ZRANB3: variants seen among roughly 807,000 people sequenced by gnomAD.
The protein encoded by ZRANB3 is DNA annealing helicase and endonuclease ZRANB3.
A neutral mutation model predicts 133.8 loss-of-function variants in ZRANB3; 125 were observed. That is an observed-to-expected ratio of 0.93 (90% CI 0.81 to 1.08). ZRANB3 has a LOEUF of 1.08. Ranked by LOEUF, ZRANB3 falls within the 50% of genes least tolerant of loss-of-function variation. The probability of loss-of-function intolerance (pLI) is 0.00; values close to 1 mark genes in which losing one functional copy is unlikely to be tolerated. For missense variants in ZRANB3, 1,229 were observed against 1,275.5 expected, an observed-to-expected ratio of 0.96 and a Z score of 0.56; for synonymous variants, 387 against 432.7, an observed-to-expected ratio of 0.89 and a Z score of 1.31.
intron 2 of ZRANB3, among the ~76,000 whole-genome samples, chr2:135,482,521 G>T (rs1691873591): frequency 6.6e-6 from 1 of 150,754 alleles, no homozygotes. Context: ...TTTGGGCTGA[G>T]ACAATGGGGT....
At chr2:135,381,561 T>C (rs1258775950) in intron 3 of ZRANB3, among the ~76,000 whole-genome samples, 2 of 152,204 alleles carry the variant, frequency 1.3e-5, no homozygotes, top group Non-Finnish European at 2.9e-5. Flanking sequence ...CGTGGGTCCC[T>C]GACCCCTGAG....
chr2:135,527,691 T>A (rs1271539610), intron 1 of ZRANB3, among the ~76,000 whole-genome samples: 3 of 152,202 alleles, frequency 2.0e-5, no homozygotes, highest in African/African-American at 7.2e-5. Context: ...TACAATAAAG[T>A]AGCTATCACA....
At chr2:135,315,640 A>C in intron 6 of ZRANB3, 110 bp from the exon 7 acceptor site, 1 of 801,586 alleles carries the variant, frequency 1.2e-6, no homozygotes, top group Non-Finnish European at 1.8e-6. Context: ...CACTGTTTTC[A>C]TTGATATTTC....
chr2:135,353,366 T>G (rs1417044998), intron 4 of ZRANB3, 84 bp downstream of exon 4: 2 of 870,630 alleles, frequency 2.3e-6, no homozygotes, highest in East Asian at 2.9e-5. Context: ...TATCTATTGG[T>G]GATATTGCAT....
At chr2:135,218,969 A>G in intron 16 of ZRANB3, 108 bp downstream of exon 16, 2 of 739,748 alleles carry the variant, frequency 2.7e-6, no homozygotes, top group Non-Finnish European at 4.1e-6. Flanking sequence ...TGACTCTACA[A>G]CATGCCACAA....
intron 2 of ZRANB3, among the ~76,000 whole-genome samples, chr2:135,458,471 G>A (rs1484515512): frequency 6.6e-6 from 1 of 151,766 alleles, no homozygotes; most frequent in Non-Finnish European, 1.5e-5. Flanking sequence ...TAGACATGCT[G>A]CATATATGTC....
At chr2:135,364,010 C>T (rs1685814194) in intron 3 of ZRANB3, among the ~76,000 whole-genome samples, 1 of 151,732 alleles carries the variant, frequency 6.6e-6, no homozygotes, top group Non-Finnish European at 1.5e-5. Flanking sequence ...CAGGACACTG[C>T]ACTTCAGCCT....
chr2:135,354,258 G>T (rs1403616310), intron 3 of ZRANB3, among the ~76,000 whole-genome samples: 2 of 152,098 alleles, frequency 1.3e-5, no homozygotes, highest in African/African-American at 4.8e-5. Flanking sequence ...TGTCTTAACA[G>T]CACAAAACCA....
intron 18 of ZRANB3, among the ~76,000 whole-genome samples, chr2:135,208,173 C>G (rs1210556608): frequency 3.3e-5 from 5 of 152,144 alleles, no homozygotes; most frequent in African/African-American, 1.2e-4. Flanking sequence ...AATGTAAAAC[C>G]CCAACCAAAG....
Position 135,349,973 on chromosome 2 carries a change from G to T in ZRANB3, c.591+11C>A. The T allele has an allele frequency of 6.2e-7, 1 of 1,611,196 alleles. No individual in the cohort carries two copies. ...TCTTCTTTTAAGTTCGAAGTATAAG[G>T]ATTGTAATACCTCTTCAGGCCTTCC... On this transcript the variant is annotated intron_variant, in intron 5 of 20. Transcript: ENST00000264159.
At position 135,255,541 on chromosome 2, in the gene ZRANB3, A is replaced by G. The variant is rs556081466; in HGVS notation, c.1539+9993T>C. On this transcript the variant is annotated intron_variant, in intron 12 of 20. Coordinates refer to ENST00000264159, the MANE Select transcript of ZRANB3 (RefSeq NM_032143.4). ...TCATAAACAGGATGCTGCCCAATTC[A>G]TGACTTGCTAATAAAAACAAATCAG... Among the ~76,000 whole-genome samples the G allele has an allele frequency of 2.6e-5, 4 of 152,244 alleles. No homozygotes were observed. The South Asian group carries it at 6.2e-4, about 24-fold the overall frequency.
At chr2:135,301,520 T>A (rs755051812) in intron 8 of ZRANB3, among the ~76,000 whole-genome samples, 2 of 152,182 alleles carry the variant, frequency 1.3e-5, no homozygotes, top group Admixed American at 6.5e-5. Context: ...GGTCTCACTA[T>A]GTTGCCCAGG....
At chr2:135,314,645 T>A (rs997141417) in intron 7 of ZRANB3, among the ~76,000 whole-genome samples, 1 of 152,180 alleles carries the variant, frequency 6.6e-6, no homozygotes, top group Non-Finnish European at 1.5e-5. Context: ...TAGGGCTGCA[T>A]GAAGTTTTTC....
intron 2 of ZRANB3, among the ~76,000 whole-genome samples, chr2:135,399,047 C>T (rs138248641): frequency 5.3e-5 from 8 of 152,242 alleles, no homozygotes; most frequent in African/African-American, 1.2e-4. Context: ...AAATGAACTA[C>T]GCCTAGGTTA....
Position 135,522,909 on chromosome 2 carries a change from T to C in ZRANB3, c.-8+8218A>G, listed in dbSNP as rs145221305. On this transcript the variant is annotated intron_variant, in intron 1 of 20. Transcript: ENST00000264159. ...AATCAGATTGCGATTTTACAAAGAT[T>C]ACCTTGTCAAGTTTAGAAAAATGAA... Among the ~76,000 whole-genome samples the C allele has an allele frequency of 2.3e-4, 35 of 152,306 alleles. No homozygotes were observed. The East Asian group carries it at 6.4e-3, about 28-fold the overall frequency.
At chr2:135,283,602 C>A (rs1280738688) in intron 8 of ZRANB3, among the ~76,000 whole-genome samples, 2 of 139,842 alleles carry the variant, frequency 1.4e-5, no homozygotes, top group African/African-American at 5.5e-5. Flanking sequence ...GGTGACAGAG[C>A]GAGACTCTGT....
At chr2:135,271,595 A>G (rs1475854074) in intron 10 of ZRANB3, among the ~76,000 whole-genome samples, 173 bp downstream of exon 10, 1 of 152,222 alleles carries the variant, frequency 6.6e-6, no homozygotes. Context: ...TGTCAAAGAC[A>G]TCGAGGCCTC....
intron 2 of ZRANB3, among the ~76,000 whole-genome samples, chr2:135,450,380 A>G (rs1330721149): frequency 6.6e-6 from 1 of 152,040 alleles, no homozygotes; most frequent in Admixed American, 6.5e-5. Flanking sequence ...TAACTCTATT[A>G]ATCCTCAAAA....
intron 17 of ZRANB3, among the ~76,000 whole-genome samples, chr2:135,210,458 C>T (rs1313063999): frequency 1.3e-5 from 2 of 152,150 alleles, no homozygotes; most frequent in African/African-American, 4.8e-5. Flanking sequence ...CTCAGCCTCC[C>T]GTAGCTGGGA....
Sources: allele counts gnomAD v4.1 joint callset (sites outside exome capture counted in the v4.1 genomes callset), GRCh38; gene constraint gnomAD v4.1.1; transcripts MANE v1.5; gene names NCBI Gene and HGNC (gene_info 2026-07-23, HGNC 2026-07-21).